SORBS2: variants seen among roughly 807,000 people sequenced by gnomAD.
SORBS2 encodes sorbin and SH3 domain containing 2.
A neutral mutation model predicts 97.7 loss-of-function variants in SORBS2; 46 were observed. The observed-to-expected ratio is 0.47, with a 90% CI of 0.37 to 0.60. The LOEUF (loss-of-function observed/expected upper bound fraction) is 0.60, where lower values mean the gene tolerates loss of function less well. Ranked by LOEUF, SORBS2 falls within the 20% of genes least tolerant of loss-of-function variation. The pLI, the probability that SORBS2 is intolerant of heterozygous loss-of-function variation, is 0.00. For synonymous variants in SORBS2, 476 were observed against 473.4 expected (o/e 1.01, Z -0.07); for missense variants, 1,316 against 1,282.3 (o/e 1.03, Z -0.40).
rs10003873 is a variant in SORBS2, at chr4:185,684,714, C to G, written c.-197-5892G>C. 49,183 of 1,348,436 alleles carry G rather than the reference C, an allele frequency of 0.036. 2,810 individuals are homozygous for G. Among genetic ancestry groups the G allele is most frequent in the East Asian group, 0.24 (9,707 of 39,864 alleles). The allele number at this position is 1,348,436 out of a possible 1,614,324, so 83.5% of individuals were successfully genotyped here. A position where few individuals can be genotyped will look rare whatever the true frequency, so the allele number is the denominator to read the frequency against. Reference sequence around the variant, plus strand: ...CAAAAACAGTCAGAAGAGCTAGAAGCCATTCAAGTGCGACATTGTGTGAGT... The same window carrying G: ...CAAAAACAGTCAGAAGAGCTAGAAGGCATTCAAGTGCGACATTGTGTGAGT... On this transcript the variant is annotated intron_variant, in intron 2 of 20. Transcript: ENST00000284776. This position sits in a 1 kb window ranked among gnomAD's most constrained non-coding sequence, Gnocchi z 4.2.
intron 2 of SORBS2, among the ~76,000 whole-genome samples, chr4:185,751,190 A>AAAAAAAAG: frequency 8.3e-4 from 72 of 86,364 alleles, no homozygotes; most frequent in African/African-American, 2.1e-3. Flanking sequence ...AAAAAAAAAA[A>AAAAAAAAG]AGAGAAAGAG....
intron 2 of SORBS2, among the ~76,000 whole-genome samples, chr4:185,754,100 A>G (rs2098816968): frequency 6.6e-6 from 1 of 152,006 alleles, no homozygotes; most frequent in Non-Finnish European, 1.5e-5. Flanking sequence ...TATACACACC[A>G]TGGAATACCA....
intron 4 of SORBS2, among the ~76,000 whole-genome samples, chr4:185,671,341 A>G (rs1454603360): frequency 1.3e-5 from 2 of 152,190 alleles, no homozygotes. Context: ...ATATTTTAAG[A>G]ACATTATCAA....
intron 1 of SORBS2, among the ~76,000 whole-genome samples, chr4:185,943,557 C>T (rs182612707): frequency 1.1e-3 from 168 of 152,266 alleles, no homozygotes; most frequent in African/African-American, 3.1e-3. Context: ...CACTGTGGGA[C>T]GTTTTACAAG....
intron 2 of SORBS2, among the ~76,000 whole-genome samples, chr4:185,760,627 A>G (rs920143407): frequency 1.2e-4 from 18 of 152,236 alleles, no homozygotes; most frequent in Non-Finnish European, 1.5e-5. Context: ...GCGTCTACAC[A>G]GGCTTTGGGA....
intron 2 of SORBS2, among the ~76,000 whole-genome samples, chr4:185,743,701 T>C (rs1333911944): frequency 1.3e-5 from 2 of 152,162 alleles, no homozygotes; most frequent in African/African-American, 4.8e-5. Context: ...AAGACTCTGA[T>C]GGTGAGCCCC....
rs2097918150 is a variant in SORBS2, at chr4:185,684,461, CT to C, written c.-197-5640del. ...AAATCCCTTTTTTCATCCTGTACCC[CT>C]GTACCCCTACCCCAAAAGTTTTTAG... On this transcript the variant is annotated intron_variant, in intron 2 of 20. Coordinates refer to the SORBS2 transcript ENST00000284776. This position sits in a 1 kb window ranked among gnomAD's most constrained non-coding sequence, Gnocchi z 4.2. Among the ~76,000 whole-genome samples the C allele has an allele frequency of 6.6e-6, 1 of 151,834 alleles. No homozygotes were observed. Among genetic ancestry groups the C allele is most frequent in the Non-Finnish European group, 1.5e-5 (1 of 67,964 alleles).
rs377153247 is a variant in SORBS2 at position 185,841,965 on chromosome 4, A to C, written c.-337-66599T>G. ...AAATTAATTCATTCATTCAGCATTCATGATTTACTGAACATCTACTCCGTG... is the reference window on the plus strand; with the variant it reads ...AAATTAATTCATTCATTCAGCATTCCTGATTTACTGAACATCTACTCCGTG... On this transcript the variant is annotated intron_variant, in intron 1 of 20. Transcript: ENST00000284776. Among the ~76,000 whole-genome samples the C allele has an allele frequency of 5.9e-5, 9 of 152,254 alleles. No homozygotes were observed. The East Asian group carries it at 1.5e-3, about 26-fold the overall frequency.
chr4:185,727,155 A>G (rs186059034), intron 2 of SORBS2, among the ~76,000 whole-genome samples: 101 of 152,322 alleles, frequency 6.6e-4, no homozygotes, highest in African/African-American at 2.4e-3. Flanking sequence ...TGTGATTTCC[A>G]TGGCTACTAA....
chr4:185,798,323 A>G (rs906520206), intron 1 of SORBS2, among the ~76,000 whole-genome samples: 1 of 152,210 alleles, frequency 6.6e-6, no homozygotes, highest in Admixed American at 6.5e-5. Flanking sequence ...CTTTTGCTCA[A>G]TATCAAACTC....
At chr4:185,719,076 T>TAA (rs35970206) in intron 2 of SORBS2, among the ~76,000 whole-genome samples, 2 of 151,642 alleles carry the variant, frequency 1.3e-5, no homozygotes, top group African/African-American at 2.4e-5. Flanking sequence ...AATCTGGTTT[T>TAA]AAAAAAAAAT....
chr4:185,627,803 G>A (rs557938172), intron 5 of SORBS2, among the ~76,000 whole-genome samples: 10 of 152,112 alleles, frequency 6.6e-5, no homozygotes, highest in South Asian at 6.2e-4. Flanking sequence ...TAGTCTTCCC[G>A]CCATAAAAAG....
exon 15 of SORBS2, chr4:185,587,506 A>G: frequency 1.3e-6 from 1 of 778,612 alleles, no homozygotes. Context: ...TGGCAGGTGG[A>G]GATGGTGACG....
intron 4 of SORBS2, among the ~76,000 whole-genome samples, chr4:185,672,998 C>A (rs1475630924): frequency 6.6e-6 from 1 of 152,116 alleles, no homozygotes; most frequent in Non-Finnish European, 1.5e-5. Context: ...TAGATAAAGA[C>A]AACGTGGTGT....
chr4:185,678,587 C>T lies in SORBS2; in HGVS notation c.-170-40G>A, dbSNP rs752672872. 6.7e-5 allele frequency: 99 copies of T among 1,477,718 alleles called. No homozygotes were observed. In the East Asian group the frequency reaches 6.8e-4, roughly 10 times the overall value. 91.5% of individuals were successfully genotyped at this position (1,477,718 alleles called of 1,614,324 possible). ...AAACAATTGGATACAAAAATATCTA[C>T]GTTCACTTAAACATTTTTTATAAAA... On this transcript the variant is annotated intron_variant, in intron 3 of 20. Transcript: ENST00000284776.
chr4:185,836,642 C>T (rs1029285359), intron 1 of SORBS2, among the ~76,000 whole-genome samples: 1 of 152,130 alleles, frequency 6.6e-6, no homozygotes, highest in Admixed American at 6.5e-5. Flanking sequence ...TTGCCAAGGT[C>T]ACACAAATAG....
intron 12 of SORBS2, among the ~76,000 whole-genome samples, chr4:185,605,811 C>T (rs2096404938): frequency 6.6e-6 from 1 of 152,194 alleles, no homozygotes; most frequent in Non-Finnish European, 1.5e-5. Context: ...TCTCAAATTC[C>T]TGACCTCAGG....
intron 1 of SORBS2, among the ~76,000 whole-genome samples, chr4:185,799,636 T>C (rs1299389608): frequency 1.3e-5 from 2 of 152,162 alleles, no homozygotes; most frequent in Non-Finnish European, 2.9e-5. Flanking sequence ...TACTTAGAGA[T>C]GAGTAACTAG....
Position 185,897,943 on chromosome 4 carries a change from A to G in SORBS2, c.-338+58253T>C, listed in dbSNP as rs1416433216. On this transcript the variant is annotated intron_variant, in intron 1 of 20. Transcript: ENST00000284776. ...TCCCAGCTACTAGGGAGGCTGAGAC[A>G]CAAGAATCATTTGAACCCAGGAAGC... 2.0e-5 allele frequency among the ~76,000 whole-genome samples: 3 copies of G among 152,176 alleles called. No homozygotes were observed. The East Asian group carries it at 5.8e-4, about 29-fold the overall frequency.
Sources: allele counts gnomAD v4.1 joint callset (sites outside exome capture counted in the v4.1 genomes callset), GRCh38; gene constraint gnomAD v4.1.1; non-coding constraint Gnocchi (gnomAD v3.1); transcripts MANE v1.5; gene names NCBI Gene and HGNC (gene_info 2026-07-23, HGNC 2026-07-21).